Variants in EPM2A observed in about 807,000 individuals in gnomAD.
EPM2A encodes the protein laforin.
EPM2A carries 21 observed loss-of-function variants against 26.5 expected under a neutral mutation model. That is an observed-to-expected ratio of 0.79 (90% CI 0.56 to 1.14). The LOEUF (loss-of-function observed/expected upper bound fraction) is 1.14. EPM2A is among the 50% of genes most tolerant of loss of function. The pLI is 0.00. For synonymous variants in EPM2A, 217 were observed against 177.6 expected, an observed-to-expected ratio of 1.22 and a Z score of -1.76; for missense variants, 458 against 440.8, an observed-to-expected ratio of 1.04 and a Z score of -0.35.
At chr6:145,550,468 C>T (rs1463530923) in intron 2 of EPM2A, among the ~76,000 whole-genome samples, 1 of 151,960 alleles carries the variant, frequency 6.6e-6, no homozygotes, top group East Asian at 1.9e-4. Context: ...TCTTAGTCTG[C>T]CTGCTATCAA....
At chr6:145,549,185 T>C (rs1780622488) in intron 2 of EPM2A, among the ~76,000 whole-genome samples, 1 of 152,146 alleles carries the variant, frequency 6.6e-6, no homozygotes, top group Non-Finnish European at 1.5e-5. Context: ...AATATATGTG[T>C]TGTGAGCCAC....
At chr6:145,455,444 G>A (rs1021362675) in intron 4 of EPM2A, among the ~76,000 whole-genome samples, 9 of 151,932 alleles carry the variant, frequency 5.9e-5, no homozygotes, top group South Asian at 4.1e-4. Flanking sequence ...TGCAATCTCC[G>A]CCTCCTGGGT....
At chr6:145,442,806 A>T (rs1222838591) in intron 4 of EPM2A, among the ~76,000 whole-genome samples, 1 of 150,992 alleles carries the variant, frequency 6.6e-6, no homozygotes, top group Non-Finnish European at 1.5e-5. Context: ...TGTTTGGGTT[A>T]CTGTAGCCTT....
intron 2 of EPM2A, among the ~76,000 whole-genome samples, chr6:145,531,059 G>C (rs1202160339): frequency 6.6e-6 from 1 of 152,190 alleles, no homozygotes. Context: ...TCCACTATGG[G>C]AGTTCCGTCA....
In EPM2A at chr6:145,583,739, A is replaced by G. The variant is rs575273599; in HGVS notation, c.340+51506T>C. Among the ~76,000 whole-genome samples, 3 of 152,374 alleles carry G rather than the reference A, an allele frequency of 2.0e-5. No homozygotes were observed. The East Asian group carries it at 5.8e-4, about 29-fold the overall frequency. ...ATGGGACAGACGCATCCATGCATGC[A>G]TTCACAGTGGTGATGGAATGGCAGA... On this transcript the variant is annotated intron_variant, in intron 2 of 3. Coordinates refer to the EPM2A transcript ENST00000450221.
chr6:145,610,589 C>T (rs923703535), intron 2 of EPM2A, among the ~76,000 whole-genome samples: 3 of 152,172 alleles, frequency 2.0e-5, no homozygotes, highest in African/African-American at 7.2e-5. Context: ...AAGTTCTGCA[C>T]AAAAGCTGGA....
In EPM2A at chr6:145,647,564, G is replaced by A. The variant is rs565881590; in HGVS notation, c.477-12078C>T. Among the ~76,000 whole-genome samples the A allele has an allele frequency of 6.0e-3, 913 of 152,182 alleles. 4 individuals are homozygous for A. The highest frequency in any genetic ancestry group is 8.3e-3 in the Non-Finnish European group (563 of 68,022). On this transcript the variant is annotated intron_variant, in intron 2 of 3. Transcript: ENST00000367519. ...TATGAGTTTTCTTAAGCATTTCATC[G>A]TCTGTATTGTGACTTCCTAGAGAAC...
chr6:145,518,611 A>C (rs67154861), intron 2 of EPM2A, among the ~76,000 whole-genome samples: 354 of 143,074 alleles, frequency 2.5e-3, no homozygotes, highest in African/African-American at 5.9e-3. Context: ...AAAAAAAAAA[A>C]AAAAAAAAAA....
At chr6:145,705,409 T>C in intron 1 of EPM2A, 1 of 357,328 alleles carries the variant, frequency 2.8e-6, no homozygotes, top group Middle Eastern at 7.4e-4. Context: ...ACAAGTTAGC[T>C]GGGCATGGTG....
intron 2 of EPM2A, among the ~76,000 whole-genome samples, chr6:145,544,490 G>A (rs1318587067): frequency 6.6e-6 from 1 of 152,184 alleles, no homozygotes; most frequent in Non-Finnish European, 1.5e-5. Flanking sequence ...GAACTAATTG[G>A]TAAATTGTGT....
At chr6:145,680,573 G>T (rs1412780699) in intron 2 of EPM2A, among the ~76,000 whole-genome samples, 2 of 151,364 alleles carry the variant, frequency 1.3e-5, no homozygotes, top group Non-Finnish European at 2.9e-5. Flanking sequence ...CCCAGAGTGT[G>T]ATGTTCCCCT....
intron 2 of EPM2A, among the ~76,000 whole-genome samples, chr6:145,589,164 C>T (rs1000917626): frequency 2.6e-5 from 4 of 152,110 alleles, no homozygotes; most frequent in African/African-American, 7.2e-5. Context: ...CTAGAAGCAG[C>T]CCAAGTTGCT....
At chr6:145,408,260 T>G (rs1254945116) in intron 4 of EPM2A, among the ~76,000 whole-genome samples, 1 of 152,208 alleles carries the variant, frequency 6.6e-6, no homozygotes, top group Non-Finnish European at 1.5e-5. Context: ...TTCTTCATCC[T>G]GCTCTGTGTC....
intron 2 of EPM2A, among the ~76,000 whole-genome samples, chr6:145,679,477 A>T (rs1354925605): frequency 6.6e-6 from 1 of 151,974 alleles, no homozygotes; most frequent in Non-Finnish European, 1.5e-5. Flanking sequence ...AATATAAAAG[A>T]CAAGAAAATT....
chr6:145,678,541 A>T (rs1780245870), intron 2 of EPM2A, among the ~76,000 whole-genome samples: 1 of 152,174 alleles, frequency 6.6e-6, no homozygotes, highest in African/African-American at 2.4e-5. Flanking sequence ...AAGAACTTAA[A>T]CAAATATACA....
intron 4 of EPM2A, among the ~76,000 whole-genome samples, chr6:145,454,877 C>T (rs1211708451): frequency 6.6e-6 from 1 of 152,144 alleles, no homozygotes; most frequent in East Asian, 1.9e-4. Context: ...TAACTCATCT[C>T]CTTTGACCTC....
chr6:145,605,191 T>C (rs1775208628), intron 2 of EPM2A, among the ~76,000 whole-genome samples: 1 of 152,178 alleles, frequency 6.6e-6, no homozygotes, highest in Admixed American at 6.5e-5. Flanking sequence ...TTATTTTCCT[T>C]TGAGAGTCAG....
At chr6:145,399,009 T>C (rs760472336) in intron 4 of EPM2A, among the ~76,000 whole-genome samples, 1 of 152,180 alleles carries the variant, frequency 6.6e-6, no homozygotes, top group Non-Finnish European at 1.5e-5. Context: ...CCCATGTTAT[T>C]AATGTTAGAA....
At chr6:145,617,022 G>T (rs1399157705) in intron 2 of EPM2A, among the ~76,000 whole-genome samples, 1 of 152,144 alleles carries the variant, frequency 6.6e-6, no homozygotes, top group Non-Finnish European at 1.5e-5. Context: ...CATTGGTTTT[G>T]AAATATAAGG....
Sources: allele counts gnomAD v4.1 joint callset (sites outside exome capture counted in the v4.1 genomes callset), GRCh38; gene constraint gnomAD v4.1.1; transcripts MANE v1.5; gene names NCBI Gene and HGNC (gene_info 2026-07-23, HGNC 2026-07-21).